LRBA: variants seen among roughly 807,000 people sequenced by gnomAD.
LRBA encodes the protein lipopolysaccharide-responsive and beige-like anchor protein.
LRBA carries 176 observed loss-of-function variants against 330.0 expected under a neutral mutation model. The observed-to-expected ratio is 0.53, with a 90% CI of 0.47 to 0.60. LRBA has a LOEUF of 0.60. LRBA is among the 20% of genes least tolerant of loss of function. LRBA has a pLI of 0.00. For synonymous variants in LRBA, 1,230 were observed against 1,193.0 expected (o/e 1.03, Z -0.64); for missense variants, 3,259 against 3,444.8 (o/e 0.95, Z 1.35).
At chr4:150,934,241 C>T (rs1166696194) in intron 2 of LRBA, among the ~76,000 whole-genome samples, 2 of 152,160 alleles carry the variant, frequency 1.3e-5, no homozygotes, top group Non-Finnish European at 2.9e-5. Flanking sequence ...AGTGCAGGCA[C>T]CATGCAATCA....
intron 40 of LRBA, among the ~76,000 whole-genome samples, chr4:150,585,178 T>C (rs567501719): frequency 5.6e-4 from 86 of 152,270 alleles, no homozygotes; most frequent in Non-Finnish European, 5.1e-4. Flanking sequence ...CTTTGAGTGA[T>C]AAAAATTTAA....
chr4:150,591,953 C>G (rs1410243346), intron 38 of LRBA, among the ~76,000 whole-genome samples: 1 of 152,050 alleles, frequency 6.6e-6, no homozygotes, highest in African/African-American at 2.4e-5. Context: ...AAGGCAGATG[C>G]TAACTTCTAA....
chr4:150,462,282 AT>A (rs1008878108), intron 44 of LRBA, among the ~76,000 whole-genome samples: 1 of 151,674 alleles, frequency 6.6e-6, no homozygotes, highest in African/African-American at 2.4e-5. Context: ...ATTGATTCCT[AT>A]TTTTTTCAGC....
chr4:150,659,232 G>A (rs1191734154), intron 37 of LRBA, among the ~76,000 whole-genome samples: 1 of 77,186 alleles, frequency 1.3e-5, no homozygotes, highest in Non-Finnish European at 2.8e-5. Flanking sequence ...GGAAAGTGAG[G>A]AGCGTCTCCG....
In LRBA at chr4:150,852,394, C is replaced by T. The variant is rs1750719797; in HGVS notation, c.3316G>A (p.Glu1106Lys). 1 of 1,613,570 alleles carries T rather than the reference C, an allele frequency of 6.2e-7. No individual in the cohort carries two copies. The highest frequency in any genetic ancestry group is 2.2e-5 in the East Asian group (1 of 44,878). Residue 1106 changes from glutamate to lysine, a missense_variant, in exon 23 of 57, where the codon GAA becomes AAA. Glu to Lys is a moderately conservative substitution (Grantham distance 56). Transcript: ENST00000651943. ...FLDKSIVEEE[E>K]DDDYVELKVE... is the part of the protein sequence containing the mutation. ...TTCAGTTCCACATAATCATCATCTTCCTCTTCCTCTACTATAGATTTATCC... is the reference window on the plus strand; with the variant it reads ...TTCAGTTCCACATAATCATCATCTTTCTCTTCCTCTACTATAGATTTATCC...
At position 151,009,569 on chromosome 4, in the gene LRBA, C is replaced by T. The variant is rs1744561743; in HGVS notation, c.216+4858G>A. On this transcript the variant is annotated intron_variant, in intron 2 of 56. Coordinates refer to ENST00000651943, the MANE Select transcript of LRBA (RefSeq NM_001364905.1). ...TCTCAAAAAAAAAAAAAAAAACTAG[C>T]GGGTTTTGGTGGCATACGCCTCTAA... Among the ~76,000 whole-genome samples, 2 of 148,304 alleles carry T rather than the reference C, an allele frequency of 1.3e-5. 1 individual carries two copies. Among genetic ancestry groups the T allele is most frequent in the South Asian group, 4.3e-4 (2 of 4,650 alleles).
At chr4:150,454,395 A>T (rs1339415854) in intron 44 of LRBA, among the ~76,000 whole-genome samples, 5 of 152,126 alleles carry the variant, frequency 3.3e-5, no homozygotes, top group Non-Finnish European at 5.9e-5. Flanking sequence ...TCAAGTTTAT[A>T]AAGACAATTA....
intron 38 of LRBA, among the ~76,000 whole-genome samples, chr4:150,596,838 G>A (rs1773539999): frequency 6.6e-6 from 1 of 151,408 alleles, no homozygotes; most frequent in African/African-American, 2.4e-5. Context: ...TACAATCTAT[G>A]TGCTGAATTT....
At chr4:150,487,043 A>G (rs997203292) in intron 42 of LRBA, among the ~76,000 whole-genome samples, 2 of 151,796 alleles carry the variant, frequency 1.3e-5, no homozygotes, top group African/African-American at 4.8e-5. Context: ...CAGCTGATGT[A>G]CACTTACGTT....
At chr4:150,805,605 A>G (rs200482123) in intron 33 of LRBA, among the ~76,000 whole-genome samples, 2,423 of 62,614 alleles carry the variant, frequency 0.039, 140 homozygotes, top group African/African-American at 0.14. Context: ...GGAAAGGAAA[A>G]GAAAGGAAAG....
intron 15 of LRBA, among the ~76,000 whole-genome samples, chr4:150,896,896 C>T (rs767851686): frequency 6.6e-6 from 1 of 151,104 alleles, no homozygotes; most frequent in East Asian, 1.9e-4. Context: ...TAATCTCACT[C>T]GGGAAAAGAA....
At chr4:150,413,062 C>T (rs1202935061) in intron 47 of LRBA, among the ~76,000 whole-genome samples, 1 of 151,620 alleles carries the variant, frequency 6.6e-6, no homozygotes, top group Non-Finnish European at 1.5e-5. Context: ...TGAATGGATA[C>T]TTCACCAAAG....
chr4:150,385,584 T>G (rs1742940812), intron 47 of LRBA, among the ~76,000 whole-genome samples: 1 of 151,826 alleles, frequency 6.6e-6, no homozygotes, highest in Admixed American at 6.6e-5. Context: ...AAAAGAAAGA[T>G]GAACAGACAG....
intron 2 of LRBA, among the ~76,000 whole-genome samples, chr4:151,008,701 G>A (rs899422405): frequency 5.9e-5 from 9 of 151,774 alleles, no homozygotes; most frequent in South Asian, 2.1e-4. Context: ...TAGGCTGGGC[G>A]CAGTGGCTCA....
chr4:150,589,050 CACACACACACACACACACACACAG>C (rs1772481725), intron 39 of LRBA, among the ~76,000 whole-genome samples: 1 of 150,568 alleles, frequency 6.6e-6, no homozygotes, highest in African/African-American at 2.5e-5. Context: ...TACACACACA[CACACACACACACACACACACACAG>C]AGAGAGAGAG....
At chr4:150,613,891 G>T (rs1775510535) in intron 37 of LRBA, among the ~76,000 whole-genome samples, 1 of 152,170 alleles carries the variant, frequency 6.6e-6, no homozygotes, top group African/African-American at 2.4e-5. Context: ...ACTTGGAGAG[G>T]AAGGGAAAAC....
intron 34 of LRBA, among the ~76,000 whole-genome samples, chr4:150,782,513 TC>T (rs1386876057): frequency 6.6e-6 from 1 of 152,188 alleles, no homozygotes; most frequent in African/African-American, 2.4e-5. Flanking sequence ...CTGTCAGCAT[TC>T]CTTGGCTTGT....
chr4:150,384,487 G>GT (rs1361202835), intron 47 of LRBA, among the ~76,000 whole-genome samples: 1 of 152,186 alleles, frequency 6.6e-6, no homozygotes, highest in African/African-American at 2.4e-5. Context: ...CTGCAAAGGA[G>GT]TAAGAGTGGC....
At chr4:150,657,798 G>A (rs1477738190) in intron 37 of LRBA, among the ~76,000 whole-genome samples, 2 of 152,118 alleles carry the variant, frequency 1.3e-5, no homozygotes, top group Admixed American at 1.3e-4. Context: ...CTACTCTTAA[G>A]TGTTTAACAT....
Sources: allele counts gnomAD v4.1 joint callset (sites outside exome capture counted in the v4.1 genomes callset), GRCh38; gene constraint gnomAD v4.1.1; transcripts MANE v1.5; gene names NCBI Gene and HGNC (gene_info 2026-07-23, HGNC 2026-07-21).